Variants in DCLK2 observed in about 807,000 individuals in gnomAD.
DCLK2 encodes the protein doublecortin like kinase 2.
A neutral mutation model predicts 78.4 loss-of-function variants in DCLK2; 31 were observed. The ratio of observed to expected loss-of-function variants is 0.40; its 90% CI spans 0.30 to 0.53. DCLK2 has a LOEUF of 0.53. DCLK2 is among the 20% of genes least tolerant of loss of function. The pLI is 0.61. For synonymous variants in DCLK2, 407 were observed against 374.9 expected, an observed-to-expected ratio of 1.09 and a Z score of -0.99; for missense variants, 872 against 973.7, an observed-to-expected ratio of 0.90 and a Z score of 1.39.
intron 2 of DCLK2, among the ~76,000 whole-genome samples, chr4:150,115,951 A>G (rs1350611062): frequency 6.6e-6 from 1 of 152,114 alleles, no homozygotes; most frequent in African/African-American, 2.4e-5. Context: ...GCTCTCAGTG[A>G]AACTGCTGAA....
chr4:150,123,770 G>A (rs72965541), intron 2 of DCLK2, among the ~76,000 whole-genome samples: 12,383 of 152,186 alleles, frequency 0.081, 509 homozygotes, highest in Admixed American at 0.093. Flanking sequence ...GACTGGGTGT[G>A]GTGGCTCATG....
intron 2 of DCLK2, among the ~76,000 whole-genome samples, chr4:150,151,788 G>A (rs1308510622): frequency 6.6e-6 from 1 of 152,108 alleles, no homozygotes; most frequent in Non-Finnish European, 1.5e-5. Context: ...AGCCAGATGT[G>A]GTGGCAGGCG....
chr4:150,193,209 T>C lies in DCLK2; in HGVS notation c.828T>C (p.Tyr276=). Reference sequence around the variant, plus strand: ...CATGTGGACCAGAAAAATTTCGTTATGCCCAAGATGACTTTGTCCTGGATC... The same window carrying C: ...CATGTGGACCAGAAAAATTTCGTTACGCCCAAGATGACTTTGTCCTGGATC... ...FIACGPEKFR[Y]AQDDFVLDHS... is the part of the protein sequence containing the mutation. Residue 276 remains tyrosine (Y), a synonymous_variant, in exon 3 of 16, where the codon TAT becomes TAC. Coordinates refer to ENST00000296550, the MANE Select transcript of DCLK2 (RefSeq NM_001040260.4). 1 of 1,611,876 alleles carries C rather than the reference T, an allele frequency of 6.2e-7. No homozygotes were observed. The highest frequency in any genetic ancestry group is 1.1e-5 in the South Asian group (1 of 90,678).
intron 2 of DCLK2, among the ~76,000 whole-genome samples, chr4:150,136,722 A>G (rs1178589223): frequency 1.3e-5 from 2 of 152,182 alleles, no homozygotes; most frequent in Non-Finnish European, 2.9e-5. Context: ...AGCAACTGGC[A>G]GACACTAAGC....
intron 2 of DCLK2, among the ~76,000 whole-genome samples, chr4:150,146,665 G>A (rs1235935641): frequency 2.6e-5 from 4 of 152,120 alleles, no homozygotes; most frequent in African/African-American, 9.7e-5. Context: ...ATCATACATG[G>A]TCAGTGCCTA....
chr4:150,216,163 G>C (rs1414266377), intron 5 of DCLK2, among the ~76,000 whole-genome samples: 1 of 152,148 alleles, frequency 6.6e-6, no homozygotes, highest in Non-Finnish European at 1.5e-5. Context: ...AGAAATTTTG[G>C]TAATCTGCTT....
chr4:150,176,224 A>G (rs1737078859), intron 2 of DCLK2, among the ~76,000 whole-genome samples: 2 of 152,250 alleles, frequency 1.3e-5, no homozygotes, highest in East Asian at 3.9e-4. Context: ...TGAATCTAAT[A>G]CTATGAGCCC....
chr4:150,130,460 C>T (rs72730354), intron 2 of DCLK2, among the ~76,000 whole-genome samples: 4 of 152,000 alleles, frequency 2.6e-5, no homozygotes, highest in African/African-American at 4.8e-5. Flanking sequence ...CACATGTACA[C>T]GAACATGCAT....
intron 2 of DCLK2, among the ~76,000 whole-genome samples, chr4:150,148,007 C>G (rs1022794317): frequency 6.6e-6 from 1 of 152,110 alleles, no homozygotes; most frequent in African/African-American, 2.4e-5. Context: ...CAGGAGAAAT[C>G]CTCTTATTTT....
intron 2 of DCLK2, among the ~76,000 whole-genome samples, chr4:150,137,078 C>A (rs994249435): frequency 4.2e-5 from 6 of 142,360 alleles, no homozygotes; most frequent in African/African-American, 1.0e-4. Flanking sequence ...AGCTCCTGGG[C>A]TCAAGGGATC....
intron 15 of DCLK2, chr4:150,253,777 A>T: frequency 1.0e-6 from 1 of 985,468 alleles, no homozygotes; most frequent in South Asian, 4.7e-5. Context: ...CCAGACCAAC[A>T]GCTGGTGAGA....
chr4:150,091,472 C>CT (rs1208943242), intron 1 of DCLK2, among the ~76,000 whole-genome samples: 1 of 151,958 alleles, frequency 6.6e-6, no homozygotes, highest in Non-Finnish European at 1.5e-5. Flanking sequence ...AGTCCTTGCA[C>CT]TTTAGATTTG....
intron 2 of DCLK2, among the ~76,000 whole-genome samples, chr4:150,135,118 T>C (rs1015332807): frequency 6.6e-6 from 1 of 151,310 alleles, no homozygotes; most frequent in Non-Finnish European, 1.5e-5. Flanking sequence ...AATTATTTTT[T>C]GTTCTCTGGA....
intron 5 of DCLK2, among the ~76,000 whole-genome samples, chr4:150,205,945 C>T (rs1171726896): frequency 2.0e-5 from 3 of 152,176 alleles, no homozygotes; most frequent in African/African-American, 7.2e-5. Context: ...AGATGGGACA[C>T]TTGAGTGCCT....
intron 2 of DCLK2, among the ~76,000 whole-genome samples, chr4:150,174,044 G>A (rs1254826847): frequency 1.3e-5 from 2 of 152,154 alleles, no homozygotes; most frequent in East Asian, 3.8e-4. Flanking sequence ...GCTAACAGTA[G>A]CAGTCCTCAG....
At chr4:150,228,153 C>A (rs934625914) in intron 8 of DCLK2, among the ~76,000 whole-genome samples, 3 of 152,094 alleles carry the variant, frequency 2.0e-5, no homozygotes, top group East Asian at 1.9e-4. Context: ...GGCATTTAAC[C>A]CTCTCCCCGC....
In DCLK2 at chr4:150,115,103, T is replaced by G. The variant is rs115470404; in HGVS notation, c.756+12291T>G. On this transcript the variant is annotated intron_variant, in intron 2 of 15. Transcript: ENST00000296550. ...ATTTCTTTTAATTACTTTTTCCTTG[T>G]TGGATTCATTTGAAAGCCTTGTTTT... is the stretch of plus-strand genomic sequence containing the variant. 2.8e-3 allele frequency among the ~76,000 whole-genome samples: 423 copies of G among 152,320 alleles called. 2 individuals carry two copies. Among genetic ancestry groups the G allele is most frequent in the African/African-American group, 0.01 (417 of 41,578 alleles).
intron 1 of DCLK2, among the ~76,000 whole-genome samples, chr4:150,099,120 A>G (rs774602263): frequency 7.2e-5 from 11 of 152,350 alleles, no homozygotes; most frequent in Middle Eastern, 3.4e-3. Flanking sequence ...CAAGGGAGTC[A>G]CGAATCTTAA....
At chr4:150,214,367 A>G (rs1740521916) in intron 5 of DCLK2, among the ~76,000 whole-genome samples, 1 of 152,224 alleles carries the variant, frequency 6.6e-6, no homozygotes, top group South Asian at 2.1e-4. Context: ...GATGTGAGGA[A>G]AGAATGGCTG....
Sources: gnomAD v4.1 joint callset for allele counts (sites outside exome capture counted in the v4.1 genomes callset) on GRCh38, gnomAD v4.1.1 for gene constraint, MANE v1.5 for transcripts, NCBI Gene and HGNC (gene_info 2026-07-23, HGNC 2026-07-21) for gene names.